The following CNTN3 variants were observed in gnomAD, a reference collection of about 807,000 sequenced individuals.
CNTN3 encodes the protein contactin 3.
Under a neutral mutation model 119.1 loss-of-function variants are expected in CNTN3, and 60 were observed. That is an observed-to-expected ratio of 0.50 (90% CI 0.41 to 0.62). CNTN3 has a LOEUF of 0.62. Among genes scored for constraint, CNTN3 ranks in the 20% least tolerant of loss-of-function variants. The pLI is 0.00. For synonymous variants in CNTN3, 450 were observed against 438.7 expected (o/e 1.03, Z -0.32); for missense variants, 1,101 against 1,242.4 (o/e 0.89, Z 1.71).
At chr3:74,603,009 C>G (rs1353195220) in intron 1 of CNTN3, among the ~76,000 whole-genome samples, 1 of 152,100 alleles carries the variant, frequency 6.6e-6, no homozygotes, top group Non-Finnish European at 1.5e-5. Context: ...CAGAGGGGGA[C>G]CCTAAAACTT....
chr3:74,340,817 C>T (rs1703515853), intron 11 of CNTN3, among the ~76,000 whole-genome samples: 2 of 152,078 alleles, frequency 1.3e-5, no homozygotes, highest in African/African-American at 4.8e-5. Context: ...GTTGACTGAA[C>T]ATTATTGAAC....
At chr3:74,274,409 C>T (rs1701840859) in intron 20 of CNTN3, among the ~76,000 whole-genome samples, 1 of 152,074 alleles carries the variant, frequency 6.6e-6, no homozygotes, top group Non-Finnish European at 1.5e-5. Flanking sequence ...TTTCACAGCC[C>T]CGCCACCTCC....
At chr3:74,336,961 A>T (rs1364915686) in intron 11 of CNTN3, among the ~76,000 whole-genome samples, 1 of 152,136 alleles carries the variant, frequency 6.6e-6, no homozygotes, top group Non-Finnish European at 1.5e-5. Flanking sequence ...AATAAGTGTC[A>T]AATGTTTTCC....
chr3:74,452,879 G>C (rs1292783619), intron 4 of CNTN3, among the ~76,000 whole-genome samples: 2 of 151,744 alleles, frequency 1.3e-5, no homozygotes, highest in Non-Finnish European at 2.9e-5. Context: ...CTTGATCATG[G>C]TGGATAAGCT....
chr3:74,350,801 TAATTA>T (rs1035722637), intron 11 of CNTN3, among the ~76,000 whole-genome samples: 1 of 151,892 alleles, frequency 6.6e-6, no homozygotes. Context: ...GTCATTATTG[TAATTA>T]AATTAATGTA....
intron 4 of CNTN3, among the ~76,000 whole-genome samples, chr3:74,449,309 C>G (rs2106944035): frequency 6.6e-6 from 1 of 151,948 alleles, no homozygotes; most frequent in South Asian, 2.1e-4. Flanking sequence ...GGTTCTGAGT[C>G]TTAAGTAAAT....
chr3:74,514,764 T>C (rs980229588), intron 2 of CNTN3, among the ~76,000 whole-genome samples: 2 of 152,082 alleles, frequency 1.3e-5, no homozygotes, highest in African/African-American at 2.4e-5. Flanking sequence ...ACAGAGTTCT[T>C]TCACTATGCA....
chr3:74,601,662 G>T (rs1350644780), intron 1 of CNTN3, among the ~76,000 whole-genome samples: 3 of 151,952 alleles, frequency 2.0e-5, no homozygotes, highest in Admixed American at 6.6e-5. Context: ...ACCCTTTTTT[G>T]TATTTATGCT....
chr3:74,568,641 G>A (rs910910679), intron 1 of CNTN3, among the ~76,000 whole-genome samples: 2 of 152,174 alleles, frequency 1.3e-5, no homozygotes, highest in Non-Finnish European at 2.9e-5. Flanking sequence ...AGTGGTAGAT[G>A]TAACTACTAA....
At chr3:74,363,645 C>T (rs1013705523) in intron 10 of CNTN3, among the ~76,000 whole-genome samples, 3 of 152,108 alleles carry the variant, frequency 2.0e-5, no homozygotes, top group Non-Finnish European at 4.4e-5. Flanking sequence ...TCCCTTTGAG[C>T]AATTAAGACA....
chr3:74,578,386 C>T (rs535656390), intron 1 of CNTN3, among the ~76,000 whole-genome samples: 4 of 152,058 alleles, frequency 2.6e-5, no homozygotes, highest in Non-Finnish European at 5.9e-5. Flanking sequence ...TGCAATGCAT[C>T]ACTTTTCTTA....
At chr3:74,312,006 G>A (rs1459997985) in intron 13 of CNTN3, among the ~76,000 whole-genome samples, 6 of 152,268 alleles carry the variant, frequency 3.9e-5, no homozygotes, top group Non-Finnish European at 5.9e-5. Context: ...GCCAATCATA[G>A]GGGGTGCTGC....
chr3:74,416,052 A>G (rs979086079), intron 5 of CNTN3, among the ~76,000 whole-genome samples: 2 of 152,142 alleles, frequency 1.3e-5, no homozygotes, highest in African/African-American at 2.4e-5. Context: ...TTCTCTAAAC[A>G]TAATTGTTTT....
chr3:74,350,243 T>G (rs1703782145), intron 11 of CNTN3, among the ~76,000 whole-genome samples: 1 of 152,164 alleles, frequency 6.6e-6, no homozygotes, highest in African/African-American at 2.4e-5. Context: ...CTTATTACTC[T>G]TAAGGCATCT....
chr3:74,477,053 T>C (rs1461128388), intron 4 of CNTN3, among the ~76,000 whole-genome samples: 1 of 152,172 alleles, frequency 6.6e-6, no homozygotes, highest in African/African-American at 2.4e-5. Flanking sequence ...TTCCAGAGTT[T>C]CCATAAGACA....
At chr3:74,469,257 T>C (rs1483891044) in intron 4 of CNTN3, among the ~76,000 whole-genome samples, 1 of 152,086 alleles carries the variant, frequency 6.6e-6, no homozygotes, top group East Asian at 1.9e-4. Context: ...TAATCTTGGG[T>C]TCCGTCCACG....
intron 2 of CNTN3, 31 bp downstream of exon 2, chr3:74,521,027 T>C: frequency 4.1e-6 from 6 of 1,469,070 alleles, no homozygotes; most frequent in Non-Finnish European, 5.6e-6. Context: ...ACTTCTAACC[T>C]CAACTTAGAA....
intron 20 of CNTN3, among the ~76,000 whole-genome samples, chr3:74,274,067 C>T (rs1400563622): frequency 6.6e-6 from 1 of 152,078 alleles, no homozygotes. Flanking sequence ...ATCTGCATGA[C>T]TCTGCAGAGG....
At chr3:74,448,630 C>T (rs527505072) in intron 4 of CNTN3, among the ~76,000 whole-genome samples, 11 of 152,132 alleles carry the variant, frequency 7.2e-5, no homozygotes, top group South Asian at 2.1e-4. Flanking sequence ...AGGAGAACAA[C>T]GTTGCATACA....
Sources: gnomAD v4.1 joint callset for allele counts (sites outside exome capture counted in the v4.1 genomes callset) on GRCh38, gnomAD v4.1.1 for gene constraint, MANE v1.5 for transcripts, NCBI Gene and HGNC (gene_info 2026-07-23, HGNC 2026-07-21) for gene names.